CDH2: variants seen among roughly 807,000 people sequenced by gnomAD.
CDH2 encodes the protein cadherin 2, also known as cadherin-2.
In CDH2, 17 loss-of-function variants were observed where a neutral mutation model predicts 92.0. The observed-to-expected ratio is 0.18, with a 90% confidence interval of 0.13 to 0.28. The LOEUF (loss-of-function observed/expected upper bound fraction) is 0.28, where lower values mean the gene tolerates loss of function less well. Among genes scored for constraint, CDH2 ranks in the 10% least tolerant of loss-of-function variants. CDH2 has a pLI of 1.00. For missense variants in CDH2, 862 were observed against 1,133.1 expected (o/e 0.76, Z 3.44); for synonymous variants, 419 against 415.9 (o/e 1.01, Z -0.09).
Position 27,952,326 on chromosome 18 carries a change from G to C in CDH2, c.2548C>G (p.Pro850Ala). 1.9e-6 allele frequency: 3 copies of C among 1,613,548 alleles called. No individual in the cohort carries two copies. The highest frequency in any genetic ancestry group is 2.5e-6 in the Non-Finnish European group (3 of 1,179,668). The change falls in exon 16 of 16, where the codon CCA becomes GCA. Residue 850 changes from proline (P) to alanine (A), a missense_variant. This residue lies in a region of CDH2 where 114 missense variants were observed against 144.8 expected (regional missense o/e 0.79). Transcript: ENST00000269141. ...LKAADNDPTA[P>A]PYDSLLVFDY... ...AACACTAACAGGGAGTCATATGGTG[G>C]AGCTGTGGGGTCATTGTCAGCCGCT... is the stretch of plus-strand genomic sequence containing the variant.
chr18:27,954,886 C>G (rs1419901761), intron 15 of CDH2, among the ~76,000 whole-genome samples: 2 of 152,144 alleles, frequency 1.3e-5, no homozygotes, highest in African/African-American at 2.4e-5. Flanking sequence ...CTACACTCCT[C>G]TTCCCTACAA....
intron 2 of CDH2, among the ~76,000 whole-genome samples, chr18:28,053,411 T>A (rs1466073033): frequency 6.6e-6 from 1 of 152,154 alleles, no homozygotes; most frequent in Non-Finnish European, 1.5e-5. Context: ...AAACATCCAG[T>A]GAGTAATTTA....
At chr18:28,110,512 G>C (rs2015393653) in intron 2 of CDH2, among the ~76,000 whole-genome samples, 1 of 152,098 alleles carries the variant, frequency 6.6e-6, no homozygotes, top group Admixed American at 6.6e-5. Flanking sequence ...CATTGCAAAA[G>C]CCTTTGCTTT....
At chr18:28,064,060 T>C (rs1211583402) in intron 2 of CDH2, among the ~76,000 whole-genome samples, 3 of 151,598 alleles carry the variant, frequency 2.0e-5, no homozygotes, top group African/African-American at 7.3e-5. Context: ...ATATATGCTG[T>C]CCTTCATTTA....
At chr18:28,073,553 A>G (rs1228848189) in intron 2 of CDH2, among the ~76,000 whole-genome samples, 1 of 152,174 alleles carries the variant, frequency 6.6e-6, no homozygotes, top group African/African-American at 2.4e-5. Context: ...GTGGGGGGAT[A>G]GTGTTACTAA....
Position 27,985,222 on chromosome 18 carries a change from G to C in CDH2, c.1987C>G (p.Gln663Glu), listed in dbSNP as rs202052912. ...TITRLNGDFA[Q>E]LNLKIKFLEA... ...AGAAATTTTATCTTTAAATTAAGCTGAGCAAAATCACCTATATGAAAAAGG... is the reference window on the plus strand; with the variant it reads ...AGAAATTTTATCTTTAAATTAAGCTCAGCAAAATCACCTATATGAAAAAGG... The change falls in exon 13 of 16, where the codon CAG becomes GAG. Residue 663 changes from glutamine (Q) to glutamate (E), a missense_variant. Gln to Glu is a conservative substitution (Grantham distance 29). Coordinates refer to ENST00000269141, the MANE Select transcript of CDH2 (RefSeq NM_001792.5). The C allele has an allele frequency of 2.4e-5, 38 of 1,595,366 alleles. No homozygotes were observed. Among genetic ancestry groups the C allele is most frequent in the Non-Finnish European group, 3.3e-5 (38 of 1,163,254 alleles).
At chr18:28,060,877 A>C (rs915981534) in intron 2 of CDH2, among the ~76,000 whole-genome samples, 1 of 152,212 alleles carries the variant, frequency 6.6e-6, no homozygotes, top group Non-Finnish European at 1.5e-5. Context: ...GTTTTCGGGC[A>C]TTTCCAAAGG....
At chr18:28,096,407 CTTT>C (rs200109784) in intron 2 of CDH2, among the ~76,000 whole-genome samples, 5 of 138,164 alleles carry the variant, frequency 3.6e-5, no homozygotes, top group African/African-American at 2.7e-5. Flanking sequence ...GAGGCAAGTT[CTTT>C]TTTTTTTTTT....
intron 1 of CDH2, 75 bp downstream of exon 1, chr18:28,176,888 G>C: frequency 1.2e-6 from 1 of 846,772 alleles, no homozygotes; most frequent in Non-Finnish European, 1.5e-6. Flanking sequence ...CCCCGCAGCG[G>C]CGCGGGGAAC....
chr18:28,038,156 G>A (rs536373599), intron 2 of CDH2, among the ~76,000 whole-genome samples: 2 of 152,218 alleles, frequency 1.3e-5, no homozygotes, highest in South Asian at 2.1e-4. Context: ...GGGTGCAGTG[G>A]CTCAGACCTA....
At chr18:28,113,394 T>C (rs945535423) in intron 2 of CDH2, among the ~76,000 whole-genome samples, 1 of 151,394 alleles carries the variant, frequency 6.6e-6, no homozygotes, top group Non-Finnish European at 1.5e-5. Flanking sequence ...GGCTACCATA[T>C]TGAACAGAAC....
intron 2 of CDH2, among the ~76,000 whole-genome samples, chr18:28,139,690 C>T (rs1229396500): frequency 2.0e-5 from 3 of 152,020 alleles, no homozygotes; most frequent in African/African-American, 7.2e-5. Context: ...TCTCCTACCT[C>T]ACTGATCACT....
At chr18:28,099,349 C>T (rs2015190144) in intron 2 of CDH2, among the ~76,000 whole-genome samples, 1 of 152,026 alleles carries the variant, frequency 6.6e-6, no homozygotes, top group South Asian at 2.1e-4. Context: ...GAATGCAGGT[C>T]AAGAGGACTT....
rs560391592 is a variant in CDH2, at chr18:27,995,581, G to T, written c.1021-1944C>A. Among the ~76,000 whole-genome samples, 9 of 152,254 alleles carry T rather than the reference G, an allele frequency of 5.9e-5. No individual in the cohort carries two copies. The South Asian group carries it at 1.9e-3, about 32-fold the overall frequency. Reference sequence around the variant, plus strand: ...AAAAAGGAAGCTTATTTCTTAAGAAGTTAACTCACATAGGTATTACATGAA... The same window carrying T: ...AAAAAGGAAGCTTATTTCTTAAGAATTTAACTCACATAGGTATTACATGAA... On this transcript the variant is annotated intron_variant, in intron 7 of 15. Transcript: ENST00000269141.
intron 2 of CDH2, among the ~76,000 whole-genome samples, chr18:28,040,451 A>T (rs1247201352): frequency 6.6e-6 from 1 of 152,188 alleles, no homozygotes; most frequent in African/African-American, 2.4e-5. Flanking sequence ...CCATGAACAG[A>T]CAATGTTAAT....
chr18:28,145,276 G>A (rs978840318), intron 2 of CDH2, among the ~76,000 whole-genome samples: 18 of 152,054 alleles, frequency 1.2e-4, no homozygotes, highest in African/African-American at 3.9e-4. Flanking sequence ...CAGGGTCTTG[G>A]ACTCTAAAGT....
chr18:28,149,531 G>C (rs1598509529), intron 1 of CDH2, among the ~76,000 whole-genome samples: 1 of 152,102 alleles, frequency 6.6e-6, no homozygotes, highest in Non-Finnish European at 1.5e-5. Context: ...CTGAAGACAA[G>C]GCACACTGCA....
chr18:27,952,412 C>T, intron 15 of CDH2, 53 bp from the exon 16 acceptor site: 13 of 1,407,190 alleles, frequency 9.2e-6, no homozygotes, highest in Non-Finnish European at 1.3e-5. Flanking sequence ...TTACACTTTA[C>T]AAAACCACAA....
chr18:28,036,614 G>A (rs1261609281), intron 2 of CDH2: 2 of 1,112,022 alleles, frequency 1.8e-6, no homozygotes, highest in South Asian at 1.3e-5. Flanking sequence ...AGGTATGTCA[G>A]AATGAAAGCA....
Sources: gnomAD v4.1 joint callset for allele counts (sites outside exome capture counted in the v4.1 genomes callset) on GRCh38, gnomAD v4.1.1 for gene constraint, gnomAD v4.1.1 regional missense constraint, MANE v1.5 for transcripts, NCBI Gene and HGNC (gene_info 2026-07-23, HGNC 2026-07-21) for gene names.